Variants in DIO2 observed in about 807,000 individuals in gnomAD.
The protein encoded by DIO2 is type II iodothyronine deiodinase.
Under a neutral mutation model 21.4 loss-of-function variants are expected in DIO2, and 19 were observed. The observed-to-expected ratio is 0.89, with a 90% CI of 0.62 to 1.30. The LOEUF (loss-of-function observed/expected upper bound fraction) is 1.30, where lower values mean the gene tolerates loss of function less well. DIO2 is among the 50% of genes most tolerant of loss of function. DIO2 has a pLI of 0.00. For missense variants in DIO2, 302 were observed against 338.1 expected (o/e 0.89, Z 0.84); for synonymous variants, 122 against 132.9 (o/e 0.92, Z 0.57).
chr14:80,206,024 T>C (rs1409481783), intron 1 of DIO2, among the ~76,000 whole-genome samples: 1 of 152,178 alleles, frequency 6.6e-6, no homozygotes, highest in Non-Finnish European at 1.5e-5. Flanking sequence ...CTCAATGTTA[T>C]TGATCTGTCC....
intron 1 of DIO2, among the ~76,000 whole-genome samples, chr14:80,204,204 T>A (rs192607302): frequency 0.019 from 2,828 of 149,936 alleles, 41 homozygotes; most frequent in Middle Eastern, 0.055. Context: ...AATTTCCATT[T>A]AAAAAAAAAA....
intron 2 of DIO2, among the ~76,000 whole-genome samples, chr14:80,223,363 C>A (rs1888505400): frequency 6.6e-6 from 1 of 152,148 alleles, no homozygotes; most frequent in African/African-American, 2.4e-5. Context: ...AAAATGACTA[C>A]ACTTAAAATA....
At chr14:80,224,503 A>ACACACACACC (rs1888531035) in intron 2 of DIO2, among the ~76,000 whole-genome samples, 1 of 113,356 alleles carries the variant, frequency 8.8e-6, no homozygotes, top group Admixed American at 7.7e-5. Context: ...TACTACACAC[A>ACACACACACC]CACACACACA....
intron 2 of DIO2, among the ~76,000 whole-genome samples, chr14:80,224,520 C>G (rs932048835): frequency 2.0e-5 from 3 of 151,680 alleles, no homozygotes; most frequent in African/African-American, 7.3e-5. Flanking sequence ...CACACACACA[C>G]ACACACACAC....
intron 1 of DIO2, among the ~76,000 whole-genome samples, chr14:80,209,609 C>G (rs1055670475): frequency 6.6e-6 from 1 of 152,156 alleles, no homozygotes; most frequent in African/African-American, 2.4e-5. Flanking sequence ...ATGAAATAAT[C>G]AATTCAATAT....
intron 1 of DIO2, among the ~76,000 whole-genome samples, chr14:80,211,047 C>T (rs534141087): frequency 1.5e-4 from 23 of 152,312 alleles, no homozygotes; most frequent in Non-Finnish European, 5.9e-5. Flanking sequence ...TTAGGTCACA[C>T]AGAGTCATTA....
upstream of DIO2, among the ~76,000 whole-genome samples, chr14:80,213,620 C>T (rs117496584): frequency 2.5e-3 from 376 of 152,276 alleles, 4 homozygotes; most frequent in East Asian, 0.04. Context: ...TCCCCAACAC[C>T]TAGAACCATG....
At chr14:80,230,510 C>T (rs543341487) in intron 2 of DIO2, among the ~76,000 whole-genome samples, 1 of 152,230 alleles carries the variant, frequency 6.6e-6, no homozygotes, top group South Asian at 2.1e-4. Context: ...ATTACTTTCC[C>T]CACTGAACTT....
intron 1 of DIO2, 82 bp downstream of exon 1, chr14:80,211,169 T>A: frequency 7.4e-7 from 1 of 1,345,502 alleles, no homozygotes; most frequent in Non-Finnish European, 1.0e-6. Context: ...CTCCCCCCAA[T>A]GCTCCCAATG....
upstream of DIO2, among the ~76,000 whole-genome samples, chr14:80,213,344 G>A (rs1207559664): frequency 6.6e-6 from 1 of 152,146 alleles, no homozygotes; most frequent in Admixed American, 6.5e-5. Context: ...CCAGAGCTTA[G>A]GCATAAGCTA....
At position 80,200,854 on chromosome 14, in the gene DIO2, T is replaced by C. The variant is rs1009333104; in HGVS notation, c.*1835A>G. 25 of 152,334 alleles carry C rather than the reference T, an allele frequency of 1.6e-4. No homozygotes were observed. Among genetic ancestry groups the C allele is most frequent in the African/African-American group, 5.8e-4 (24 of 41,586 alleles). The allele number at this position is 152,334 out of a possible 1,614,324, so 9.4% of individuals were successfully genotyped here. On this transcript the variant is annotated 3_prime_UTR_variant, in exon 2 of 2. Coordinates refer to ENST00000438257, the MANE Select transcript of DIO2 (RefSeq NM_013989.5). ...AAATAAAATAAAATACGTTTGGTTC[T>C]TGCACACCTAGTTCTCACTCTTTTC...
chr14:80,209,962 T>C (rs1466031422), intron 1 of DIO2, among the ~76,000 whole-genome samples: 2 of 152,206 alleles, frequency 1.3e-5, no homozygotes, highest in Non-Finnish European at 2.9e-5. Flanking sequence ...TGTTTATTTA[T>C]GGAGGATGCA....
Position 80,203,070 on chromosome 14 carries a change from C to T in DIO2, c.441G>A (p.Val147=), listed in dbSNP as rs1367614813. 2 of 1,613,852 alleles carry T rather than the reference C, an allele frequency of 1.2e-6. No individual in the cohort carries two copies. The highest frequency in any genetic ancestry group is 2.2e-5 in the South Asian group (2 of 91,078). Residue 147 remains valine, a synonymous_variant, in exon 2 of 2, where the codon GTG becomes GTA. Transcript: ENST00000438257. The part of the protein sequence containing the change: ...TSQLPAFRKL[V]EEFSSVADFL... Reference sequence around the variant, plus strand: ...AGTCAGCCACTGAGGAGAACTCTTCCACCAGTTTGCGGAAGGCTGGCAGCT... The same window carrying T: ...AGTCAGCCACTGAGGAGAACTCTTCTACCAGTTTGCGGAAGGCTGGCAGCT...
upstream of DIO2, among the ~76,000 whole-genome samples, chr14:80,212,561 T>C (rs1201194057): frequency 6.6e-6 from 1 of 152,084 alleles, no homozygotes; most frequent in East Asian, 1.9e-4. Context: ...GGAAGGCAGG[T>C]AGAAAAAAGG....
intron 1 of DIO2, among the ~76,000 whole-genome samples, chr14:80,210,810 A>T (rs1023937514): frequency 1.3e-5 from 2 of 152,132 alleles, no homozygotes; most frequent in Non-Finnish European, 2.9e-5. Flanking sequence ...AGCATTTCTC[A>T]TTTCTTGCTT....
chr14:80,225,889 G>C (rs184578432), intron 2 of DIO2, among the ~76,000 whole-genome samples: 1 of 152,276 alleles, frequency 6.6e-6, no homozygotes, highest in East Asian at 1.9e-4. Flanking sequence ...CTTAAAGGTA[G>C]GAGGAGCCCA....
intron 2 of DIO2, among the ~76,000 whole-genome samples, chr14:80,225,172 C>T (rs1308669823): frequency 1.3e-5 from 2 of 152,186 alleles, no homozygotes; most frequent in Admixed American, 1.3e-4. Flanking sequence ...TGGTAGCACC[C>T]TCACAGGCAC....
At chr14:80,210,434 A>G (rs1888131760) in intron 1 of DIO2, among the ~76,000 whole-genome samples, 1 of 152,224 alleles carries the variant, frequency 6.6e-6, no homozygotes, top group African/African-American at 2.4e-5. Flanking sequence ...TGAGCAGGTA[A>G]GGGAGACCAC....
chr14:80,229,137 G>T (rs1396646778), intron 2 of DIO2, among the ~76,000 whole-genome samples: 1 of 152,098 alleles, frequency 6.6e-6, no homozygotes, highest in East Asian at 1.9e-4. Flanking sequence ...ATTCAAATTA[G>T]CCTTTTGTCC....
Sources: gnomAD v4.1 joint callset for allele counts (sites outside exome capture counted in the v4.1 genomes callset) on GRCh38, gnomAD v4.1.1 for gene constraint, MANE v1.5 for transcripts, NCBI Gene and HGNC (gene_info 2026-07-23, HGNC 2026-07-21) for gene names.